Variants in KCNB2 observed in about 807,000 individuals in gnomAD.
The protein encoded by KCNB2 is delayed rectifier potassium channel protein.
In KCNB2, 15 loss-of-function variants were observed where a neutral mutation model predicts 61.5. The ratio of observed to expected loss-of-function variants is 0.24; its 90% confidence interval spans 0.16 to 0.38. The LOEUF is 0.38. Among genes scored for constraint, KCNB2 ranks in the 10% least tolerant of loss-of-function variants. The pLI, the probability that KCNB2 is intolerant of heterozygous loss-of-function variation, is 1.00. For synonymous variants in KCNB2, 457 were observed against 446.0 expected (o/e 1.02, Z -0.31); for missense variants, 828 against 1,125.2 (o/e 0.74, Z 3.78).
chr8:72,609,779 G>A (rs1045002237), intron 2 of KCNB2, among the ~76,000 whole-genome samples: 2 of 152,150 alleles, frequency 1.3e-5, no homozygotes, highest in African/African-American at 2.4e-5. Context: ...CTATGTTTAT[G>A]TGTGCACTTA....
intron 2 of KCNB2, among the ~76,000 whole-genome samples, chr8:72,718,128 C>G (rs1256756486): frequency 6.6e-6 from 1 of 152,078 alleles, no homozygotes; most frequent in African/African-American, 2.4e-5. Flanking sequence ...TATCTCACAC[C>G]AGTTAGAATG....
chr8:72,663,571 CT>C (rs1167428735), intron 2 of KCNB2, among the ~76,000 whole-genome samples: 1 of 152,148 alleles, frequency 6.6e-6, no homozygotes, highest in African/African-American at 2.4e-5. Flanking sequence ...CTACTTTCAT[CT>C]TTATTATAAT....
chr8:72,830,227 CAAAAAAAAAA>C (rs543474001), intron 2 of KCNB2, among the ~76,000 whole-genome samples: 8 of 83,446 alleles, frequency 9.6e-5, no homozygotes, highest in African/African-American at 2.9e-4. Flanking sequence ...TCATATTTTC[CAAAAAAAAAA>C]AAAAAAAAAA....
At chr8:72,753,135 C>T (rs1020607397) in intron 2 of KCNB2, among the ~76,000 whole-genome samples, 1 of 152,120 alleles carries the variant, frequency 6.6e-6, no homozygotes, top group African/African-American at 2.4e-5. Context: ...GGATAGCAAA[C>T]CTGGATCTTT....
intron 2 of KCNB2, among the ~76,000 whole-genome samples, chr8:72,634,083 C>A (rs938112363): frequency 1.3e-5 from 2 of 152,108 alleles, no homozygotes; most frequent in African/African-American, 2.4e-5. Flanking sequence ...TTCTGGTTAC[C>A]CATCTAAATC....
chr8:72,923,619 G>A (rs1806573042), intron 2 of KCNB2, among the ~76,000 whole-genome samples: 1 of 152,100 alleles, frequency 6.6e-6, no homozygotes, highest in Admixed American at 6.6e-5. Flanking sequence ...TCAAGGAGTG[G>A]GGGTGGTCCA....
At chr8:72,782,417 AC>A (rs1808776107) in intron 2 of KCNB2, among the ~76,000 whole-genome samples, 1 of 151,624 alleles carries the variant, frequency 6.6e-6, no homozygotes, top group Admixed American at 6.6e-5. Flanking sequence ...CCTCTATGAA[AC>A]CCCCTAATAA....
intron 2 of KCNB2, among the ~76,000 whole-genome samples, chr8:72,904,250 A>G (rs918710387): frequency 2.0e-5 from 3 of 152,214 alleles, no homozygotes; most frequent in African/African-American, 4.8e-5. Flanking sequence ...TAAAGTGTGT[A>G]TAGATCGTTT....
At chr8:72,917,874 A>G (rs1359243995) in intron 2 of KCNB2, among the ~76,000 whole-genome samples, 2 of 152,202 alleles carry the variant, frequency 1.3e-5, no homozygotes, top group African/African-American at 4.8e-5. Flanking sequence ...AGGTTGGTAG[A>G]ACAGGAGGTG....
chr8:72,598,597 C>T (rs1334140611), intron 2 of KCNB2, among the ~76,000 whole-genome samples: 1 of 152,144 alleles, frequency 6.6e-6, no homozygotes, highest in African/African-American at 2.4e-5. Context: ...GAAGTTCTGG[C>T]CAGGGCACTC....
chr8:72,552,192 C>T (rs1013361505), intron 1 of KCNB2, among the ~76,000 whole-genome samples: 1 of 152,196 alleles, frequency 6.6e-6, no homozygotes, highest in African/African-American at 2.4e-5. Context: ...GGTAGAAACA[C>T]AATCAAGGCA....
At chr8:72,552,754 G>C (rs1453050829) in intron 1 of KCNB2, among the ~76,000 whole-genome samples, 2 of 152,130 alleles carry the variant, frequency 1.3e-5, no homozygotes, top group Non-Finnish European at 2.9e-5. Flanking sequence ...TCTTTATTGA[G>C]GGCATTTCTG....
intron 2 of KCNB2, among the ~76,000 whole-genome samples, chr8:72,664,240 T>G (rs1449990953): frequency 6.6e-6 from 1 of 152,140 alleles, no homozygotes; most frequent in Non-Finnish European, 1.5e-5. Context: ...CCAGGTGAGG[T>G]CCGCACTGGT....
At chr8:72,665,879 C>A (rs1370584157) in intron 2 of KCNB2, among the ~76,000 whole-genome samples, 2 of 152,350 alleles carry the variant, frequency 1.3e-5, no homozygotes, top group African/African-American at 2.4e-5. Context: ...TCAAATTTTC[C>A]CCACCTAACC....
At position 72,611,565 on chromosome 8, in the gene KCNB2, A is replaced by G. The variant is rs553013033; in HGVS notation, c.579+43252A>G. ...CTATGATGAGAAAGACTCCCTTGCC[A>G]TGAGGACTGCCCATGATCTTTTTAG... On this transcript the variant is annotated intron_variant, in intron 2 of 2. Transcript: ENST00000523207. Among the ~76,000 whole-genome samples the G allele has an allele frequency of 3.9e-5, 6 of 152,306 alleles. 1 individual carries two copies. Among genetic ancestry groups the G allele is most frequent in the African/African-American group, 1.2e-4 (5 of 41,576 alleles).
chr8:72,777,075 T>A (rs1808668986), intron 2 of KCNB2, among the ~76,000 whole-genome samples: 1 of 152,226 alleles, frequency 6.6e-6, no homozygotes. Flanking sequence ...TTTAATTTAA[T>A]CCACATTGCA....
At chr8:72,544,598 C>T (rs1427615217) in intron 1 of KCNB2, among the ~76,000 whole-genome samples, 3 of 152,144 alleles carry the variant, frequency 2.0e-5, no homozygotes, top group Non-Finnish European at 4.4e-5. Context: ...CAAACACTTG[C>T]AATCTAAGGG....
At chr8:72,833,574 G>A (rs1213094033) in intron 2 of KCNB2, among the ~76,000 whole-genome samples, 1 of 152,172 alleles carries the variant, frequency 6.6e-6, no homozygotes, top group Non-Finnish European at 1.5e-5. Flanking sequence ...TAGGGTGGGA[G>A]ATAGCAGAAG....
chr8:72,681,831 C>T (rs1806762403), intron 2 of KCNB2, among the ~76,000 whole-genome samples: 1 of 152,064 alleles, frequency 6.6e-6, no homozygotes. Flanking sequence ...TTTTTCAGCT[C>T]CATTATGATC....
Sources: gnomAD v4.1 joint callset for allele counts (sites outside exome capture counted in the v4.1 genomes callset) on GRCh38, gnomAD v4.1.1 for gene constraint, MANE v1.5 for transcripts, NCBI Gene and HGNC (gene_info 2026-07-23, HGNC 2026-07-21) for gene names.